Variants in EIF5A2 observed in about 807,000 individuals in gnomAD.
The protein encoded by EIF5A2 is eukaryotic translation initiation factor 5A-2.
In EIF5A2, 15 loss-of-function variants were observed where a neutral mutation model predicts 16.4. The observed-to-expected ratio is 0.92, with a 90% CI of 0.61 to 1.41. The LOEUF (loss-of-function observed/expected upper bound fraction) is 1.41, where lower values mean the gene tolerates loss of function less well. Among genes scored for constraint, EIF5A2 ranks in the 40% most tolerant of loss-of-function variants. The probability of loss-of-function intolerance (pLI) is 0.00; values close to 1 mark genes in which losing one functional copy is unlikely to be tolerated. For missense variants in EIF5A2, 144 were observed against 189.5 expected (o/e 0.76, Z 1.41); for synonymous variants, 48 against 61.1 (o/e 0.79, Z 1.00).
chr3:170,895,689 G>T (rs570831235), intron 3 of EIF5A2, among the ~76,000 whole-genome samples: 10 of 152,044 alleles, frequency 6.6e-5, no homozygotes, highest in Non-Finnish European at 1.3e-4. Context: ...CAGGAAATTT[G>T]AGTTTTTATA....
At chr3:170,898,012 A>C (rs1472787596) in intron 3 of EIF5A2, among the ~76,000 whole-genome samples, 1 of 152,132 alleles carries the variant, frequency 6.6e-6, no homozygotes, top group African/African-American at 2.4e-5. Flanking sequence ...GAGCTTTAAG[A>C]CTGAATGGCT....
rs1712459702 is a variant in EIF5A2, at chr3:170,889,054, T to C, written c.*4306A>G. 1 of 100,860 alleles carries C rather than the reference T, an allele frequency of 9.9e-6. No individual in the cohort carries two copies. Among genetic ancestry groups the C allele is most frequent in the African/African-American group, 3.5e-5 (1 of 28,846 alleles). 6.2% of individuals were successfully genotyped at this position (100,860 alleles called of 1,614,324 possible). A position where few individuals can be genotyped will look rare whatever the true frequency, so the allele number is the denominator to read the frequency against. ...TATAAATACAATAACCTGTCTTTTT[T>C]TTTTTTTTTTTTTTTTTGTAAAATA... On this transcript the variant is annotated 3_prime_UTR_variant, in exon 5 of 5. Coordinates refer to ENST00000295822, the MANE Select transcript of EIF5A2 (RefSeq NM_020390.6).
At chr3:170,898,820 CTA>C (rs1232616028) in intron 3 of EIF5A2, among the ~76,000 whole-genome samples, 1 of 150,000 alleles carries the variant, frequency 6.7e-6, no homozygotes, top group Non-Finnish European at 1.5e-5. Flanking sequence ...ACTATTTTCT[CTA>C]TGTATACATC....
rs746931184 is a variant in EIF5A2, at chr3:170,902,767, CCTGA to C, written c.270+4218_270+4221del. Among the ~76,000 whole-genome samples, 48 of 152,016 alleles carry C rather than the reference CCTGA, an allele frequency of 3.2e-4. 1 individual carries two copies. Among genetic ancestry groups the C allele is most frequent in the South Asian group, 2.7e-3 (13 of 4,800 alleles). Reference sequence around the variant, plus strand: ...GGGATTACAGGCATGCACCACCACGCCTGACTAATTTATGTATTTATTAGAGACG... The same window carrying C: ...GGGATTACAGGCATGCACCACCACGCCTAATTTATGTATTTATTAGAGACG... On this transcript the variant is annotated intron_variant, in intron 3 of 4. Transcript: ENST00000295822.
Position 170,889,359 on chromosome 3 carries a change from T to G in EIF5A2, c.*4001A>C, listed in dbSNP as rs1300294141. On this transcript the variant is annotated 3_prime_UTR_variant, in exon 5 of 5. Transcript: ENST00000295822. ...CTGTGTTTCATAAGCTAAATCCAAA[T>G]GTTCCCTGCTAAAATCAAATAATGA... The G allele has an allele frequency of 3.9e-5, 6 of 152,506 alleles. No homozygotes were observed. The highest frequency in any genetic ancestry group is 1.5e-5 in the Non-Finnish European group (1 of 67,940). The allele number at this position is 152,506 out of a possible 1,614,324, so 9.4% of individuals were successfully genotyped here. A position where few individuals can be genotyped will look rare whatever the true frequency, so the allele number is the denominator to read the frequency against.
chr3:170,905,363 C>T (rs553695589), intron 3 of EIF5A2, among the ~76,000 whole-genome samples: 72 of 152,310 alleles, frequency 4.7e-4, no homozygotes, highest in African/African-American at 1.7e-3. Context: ...GAGCTCCAAT[C>T]AATGACTGGC....
intron 3 of EIF5A2, among the ~76,000 whole-genome samples, chr3:170,899,562 G>T (rs868421689): frequency 6.6e-6 from 1 of 151,822 alleles, no homozygotes; most frequent in Non-Finnish European, 1.5e-5. Flanking sequence ...ATGCATTTTT[G>T]AAAGGAATAC....
chr3:170,904,035 A>C (rs941615039), intron 3 of EIF5A2, among the ~76,000 whole-genome samples: 5 of 152,226 alleles, frequency 3.3e-5, no homozygotes, highest in Admixed American at 6.5e-5. Flanking sequence ...TTTCTAAAGA[A>C]ATATGATTCC....
chr3:170,892,750 G>A lies in EIF5A2; in HGVS notation c.*610C>T. ...TGCCCTTCTGCCAACCATAAGAAGG[G>A]ACTAAAACCACCATATAAGGTTACA... is the stretch of plus-strand genomic sequence containing the variant. On this transcript the variant is annotated 3_prime_UTR_variant, in exon 5 of 5. Transcript: ENST00000295822. 1 of 398,508 alleles carries A rather than the reference G, an allele frequency of 2.5e-6. No homozygotes were observed. The highest frequency in any genetic ancestry group is 4.4e-6 in the Non-Finnish European group (1 of 226,046). 24.7% of individuals were successfully genotyped at this position (398,508 alleles called of 1,614,324 possible).
At chr3:170,900,197 C>A (rs1156856096) in intron 3 of EIF5A2, among the ~76,000 whole-genome samples, 2 of 151,630 alleles carry the variant, frequency 1.3e-5, no homozygotes, top group East Asian at 3.9e-4. Context: ...ATGGCAAAAC[C>A]TCGTCTCTAC....
rs200754720 is a variant in EIF5A2 at position 170,894,472 on chromosome 3, C to T, written c.271-49G>A. On this transcript the variant is annotated intron_variant, in intron 3 of 4. Transcript: ENST00000295822. Reference sequence around the variant, plus strand: ...TGTGCTGATTAGATTATATCCACTTCTGTGTAATGCTTACATAGTTAAATT... The same window carrying T: ...TGTGCTGATTAGATTATATCCACTTTTGTGTAATGCTTACATAGTTAAATT... The T allele has an allele frequency of 1.7e-4, 262 of 1,556,616 alleles. 3 individuals are homozygous for T. In the East Asian group the frequency reaches 3.2e-3, roughly 19 times the overall value.
chr3:170,901,739 C>G (rs951638755), intron 3 of EIF5A2, among the ~76,000 whole-genome samples: 1 of 152,174 alleles, frequency 6.6e-6, no homozygotes, highest in African/African-American at 2.4e-5. Flanking sequence ...AGTGCCTGGA[C>G]AGGTGCCTTC....
intron 2 of EIF5A2, 24 bp from the exon 3 acceptor site, chr3:170,907,117 T>C (rs1712955104): frequency 6.6e-7 from 1 of 1,519,620 alleles, no homozygotes; most frequent in East Asian, 2.3e-5. Context: ...ACAGGAAACC[T>C]GTTTAATCTC....
At chr3:170,895,025 CA>C (rs748111786) in intron 3 of EIF5A2, among the ~76,000 whole-genome samples, 139 of 60,780 alleles carry the variant, frequency 2.3e-3, no homozygotes, top group South Asian at 4.2e-3. Flanking sequence ...GACTCTGTCT[CA>C]AAAAAAAAAA....
intron 3 of EIF5A2, among the ~76,000 whole-genome samples, chr3:170,898,514 G>C (rs531923514): frequency 6.6e-6 from 1 of 152,212 alleles, no homozygotes; most frequent in South Asian, 2.1e-4. Context: ...CCTGCTTGCT[G>C]TCTCTCCTGC....
intron 3 of EIF5A2, among the ~76,000 whole-genome samples, chr3:170,894,670 A>C (rs997403395): frequency 8.6e-5 from 13 of 151,998 alleles, no homozygotes; most frequent in Admixed American, 5.2e-4. Flanking sequence ...GTTTCTTTAT[A>C]GTGTATTCCA....
intron 3 of EIF5A2, among the ~76,000 whole-genome samples, chr3:170,898,002 G>A (rs182542738): frequency 2.8e-4 from 43 of 152,308 alleles, no homozygotes; most frequent in African/African-American, 9.4e-4. Flanking sequence ...GATTATTTTG[G>A]AGCTTTAAGA....
At chr3:170,907,226 TA>T (rs933761655) in intron 2 of EIF5A2, 133 bp from the exon 3 acceptor site, 400 of 558,810 alleles carry the variant, frequency 7.2e-4, no homozygotes, top group South Asian at 1.5e-3. Flanking sequence ...TAATTTTACT[TA>T]AAAAAAAATG....
intron 4 of EIF5A2, 45 bp from the exon 5 acceptor site, chr3:170,893,464 A>G (rs774880007): frequency 3.1e-6 from 5 of 1,589,636 alleles, no homozygotes; most frequent in South Asian, 1.1e-5. Context: ...AAGACAATAC[A>G]TATAGAAGAT....
Sources: allele counts gnomAD v4.1 joint callset (sites outside exome capture counted in the v4.1 genomes callset), GRCh38; gene constraint gnomAD v4.1.1; transcripts MANE v1.5; gene names NCBI Gene and HGNC (gene_info 2026-07-23, HGNC 2026-07-21).